The following SOX5 variants were observed in gnomAD, a reference collection of about 807,000 sequenced individuals.
SOX5 encodes the protein transcription factor SOX-5.
SOX5 carries 9 observed loss-of-function variants against 92.0 expected under a neutral mutation model. That is an observed-to-expected ratio of 0.10 (90% CI 0.06 to 0.17). The LOEUF is 0.17. SOX5 is among the 10% of genes least tolerant of loss of function. SOX5 has a pLI of 1.00. For synonymous variants in SOX5, 344 were observed against 336.3 expected (o/e 1.02, Z -0.25); for missense variants, 642 against 944.5 (o/e 0.68, Z 4.20).
At chr12:24,474,348 G>C (rs539848054) in intron 1 of SOX5, among the ~76,000 whole-genome samples, 1 of 152,134 alleles carries the variant, frequency 6.6e-6, no homozygotes, top group African/African-American at 2.4e-5. Flanking sequence ...TTACAAAGAA[G>C]AAAACTGATT....
At chr12:23,996,355 A>T (rs1592166750) in intron 4 of SOX5, among the ~76,000 whole-genome samples, 1 of 152,200 alleles carries the variant, frequency 6.6e-6, no homozygotes, top group African/African-American at 2.4e-5. Context: ...GTTGGTGAGC[A>T]TGTGAAGAAA....
At chr12:23,924,614 G>A (rs1012534028) in intron 1 of SOX5, among the ~76,000 whole-genome samples, 6 of 152,036 alleles carry the variant, frequency 3.9e-5, no homozygotes, top group Non-Finnish European at 5.9e-5. Context: ...CAGTATCTCA[G>A]CCTTCCATTT....
chr12:23,859,254 C>G (rs2096727838), intron 2 of SOX5, among the ~76,000 whole-genome samples: 1 of 152,152 alleles, frequency 6.6e-6, no homozygotes. Flanking sequence ...AGTAGGAGAA[C>G]TATCACTGAA....
chr12:23,894,320 T>G (rs555403846), intron 2 of SOX5, among the ~76,000 whole-genome samples: 1 of 152,082 alleles, frequency 6.6e-6, no homozygotes, highest in South Asian at 2.1e-4. Context: ...CTCTGCCTCC[T>G]GGGTTCAAGC....
At chr12:23,778,964 T>C (rs1408004593) in intron 3 of SOX5, among the ~76,000 whole-genome samples, 4 of 152,132 alleles carry the variant, frequency 2.6e-5, no homozygotes, top group African/African-American at 4.8e-5. Flanking sequence ...GACAGCACAA[T>C]CTCAGTGAAT....
chr12:24,379,781 C>T (rs1464000783), intron 1 of SOX5, among the ~76,000 whole-genome samples: 1 of 150,620 alleles, frequency 6.6e-6, no homozygotes, highest in Admixed American at 6.6e-5. Context: ...CTTTACCCAA[C>T]AAATTCCAGG....
At chr12:24,206,589 C>A (rs187825967) in intron 4 of SOX5, among the ~76,000 whole-genome samples, 48 of 152,098 alleles carry the variant, frequency 3.2e-4, no homozygotes, top group Non-Finnish European at 5.4e-4. Flanking sequence ...CCGCCTCCCC[C>A]CAAGAATCCT....
rs754530919 is a variant in SOX5 at position 24,121,445 on chromosome 12, G to A, written c.-2+91898C>T. 5.3e-5 allele frequency among the ~76,000 whole-genome samples: 8 copies of A among 151,794 alleles called. No individual in the cohort carries two copies. The South Asian group carries it at 6.2e-4, about 12-fold the overall frequency. On this transcript the variant is annotated intron_variant, in intron 4 of 4. Coordinates refer to the SOX5 transcript ENST00000446891. Reference sequence around the variant, plus strand: ...AGAGCAAATGAATTTTGCTGAAACCGAACAGGAACAAATATCAAATTTATG... The same window carrying A: ...AGAGCAAATGAATTTTGCTGAAACCAAACAGGAACAAATATCAAATTTATG...
At chr12:24,406,164 G>A (rs1220952244) in intron 1 of SOX5, among the ~76,000 whole-genome samples, 1 of 152,110 alleles carries the variant, frequency 6.6e-6, no homozygotes, top group African/African-American at 2.4e-5. Flanking sequence ...AGCAGGTGTG[G>A]GCCAGGTGTG....
At chr12:24,541,846 T>A (rs2138813622) in intron 1 of SOX5, among the ~76,000 whole-genome samples, 1 of 152,268 alleles carries the variant, frequency 6.6e-6, no homozygotes, top group Middle Eastern at 3.4e-3. Flanking sequence ...GATAAAAAAA[T>A]TTAAACTACG....
chr12:23,761,463 A>G (rs2094560903), intron 3 of SOX5, among the ~76,000 whole-genome samples: 1 of 152,258 alleles, frequency 6.6e-6, no homozygotes, highest in Middle Eastern at 3.4e-3. Flanking sequence ...GACCAAGGAA[A>G]TTAGTGTTGG....
intron 1 of SOX5, among the ~76,000 whole-genome samples, chr12:23,930,031 C>G (rs1421711118): frequency 6.6e-6 from 1 of 151,812 alleles, no homozygotes; most frequent in African/African-American, 2.4e-5. Context: ...TTTTCCAATT[C>G]AAACCACGCA....
At chr12:24,428,168 T>G (rs780742926) in intron 1 of SOX5, among the ~76,000 whole-genome samples, 11 of 150,840 alleles carry the variant, frequency 7.3e-5, no homozygotes, top group Non-Finnish European at 1.6e-4. Context: ...ACTGTTAACT[T>G]CACTGAAGAT....
intron 1 of SOX5, among the ~76,000 whole-genome samples, chr12:24,528,634 C>T (rs1480809652): frequency 6.6e-6 from 1 of 152,214 alleles, no homozygotes; most frequent in African/African-American, 2.4e-5. Flanking sequence ...GTAGCCAGCC[C>T]ATATTGCGAG....
intron 8 of SOX5, among the ~76,000 whole-genome samples, chr12:23,636,347 A>G (rs2079236688): frequency 6.6e-6 from 1 of 152,196 alleles, no homozygotes; most frequent in East Asian, 1.9e-4. Flanking sequence ...TTTTTATTAT[A>G]TAAGGATCTC....
intron 4 of SOX5, among the ~76,000 whole-genome samples, chr12:24,183,144 C>T (rs1319314088): frequency 2.0e-5 from 3 of 152,158 alleles, no homozygotes; most frequent in Non-Finnish European, 4.4e-5. Flanking sequence ...ACCACATACA[C>T]ATTTGTTATT....
chr12:24,208,434 C>T (rs1958247001), intron 4 of SOX5, among the ~76,000 whole-genome samples: 1 of 152,166 alleles, frequency 6.6e-6, no homozygotes, highest in Non-Finnish European at 1.5e-5. Context: ...CCTTTTGTAT[C>T]CCCTGTGTTG....
chr12:24,437,217 G>T lies in SOX5; in HGVS notation c.-250-68578C>A, dbSNP rs137963837. Among the ~76,000 whole-genome samples, 365 of 152,274 alleles carry T rather than the reference G, an allele frequency of 2.4e-3. 1 individual carries two copies. The highest frequency in any genetic ancestry group is 8.5e-3 in the African/African-American group (352 of 41,564). On this transcript the variant is annotated intron_variant, in intron 1 of 4. Coordinates refer to the SOX5 transcript ENST00000446891. ...GAAATATATTTTGTAATAAGCAATG[G>T]GGAAATGATTTCCTATTTAATAAAT...
chr12:24,188,288 G>A (rs1287968155), intron 4 of SOX5, among the ~76,000 whole-genome samples: 1 of 152,134 alleles, frequency 6.6e-6, no homozygotes, highest in Non-Finnish European at 1.5e-5. Flanking sequence ...AAGTGACAAA[G>A]AGCCCCCTGC....
Sources: gnomAD v4.1 joint callset for allele counts (sites outside exome capture counted in the v4.1 genomes callset) on GRCh38, gnomAD v4.1.1 for gene constraint, MANE v1.5 for transcripts, NCBI Gene and HGNC (gene_info 2026-07-23, HGNC 2026-07-21) for gene names.